LARGE1: variants seen among roughly 807,000 people sequenced by gnomAD.
LARGE1 encodes xylosyl- and glucuronyltransferase LARGE1.
In LARGE1, 43 loss-of-function variants were observed where a neutral mutation model predicts 87.6. That is an observed-to-expected ratio of 0.49 (90% confidence interval 0.38 to 0.63). The LOEUF (loss-of-function observed/expected upper bound fraction) is 0.63. Among genes scored for constraint, LARGE1 ranks in the 30% least tolerant of loss-of-function variants. The probability of loss-of-function intolerance (pLI) is 0.00; values close to 1 mark genes in which losing one functional copy is unlikely to be tolerated. For synonymous variants in LARGE1, 434 were observed against 394.6 expected (o/e 1.10, Z -1.18); for missense variants, 802 against 1,000.2 (o/e 0.80, Z 2.67).
At chr22:33,878,323 A>AGGC (rs1319408937) in intron 1 of LARGE1, among the ~76,000 whole-genome samples, 1 of 151,182 alleles carries the variant, frequency 6.6e-6, no homozygotes, top group Non-Finnish European at 1.5e-5. Flanking sequence ...TTTTTAGTAT[A>AGGC]CAAATACATA....
chr22:33,579,318 T>G (rs2267233), intron 5 of LARGE1, among the ~76,000 whole-genome samples: 36,421 of 152,188 alleles, frequency 0.24, 4,992 homozygotes, highest in East Asian at 0.35. Flanking sequence ...GACTTGCTCC[T>G]CCTTGCCTTC....
the LARGE1 span, among the ~76,000 whole-genome samples, chr22:33,119,470 T>C: frequency 6.6e-6 from 1 of 152,156 alleles, no homozygotes; most frequent in Non-Finnish European, 1.5e-5. Flanking sequence ...CCCCAAGGTA[T>C]GTTTCTCAGT....
rs531225013 is a variant in LARGE1 at position 33,516,938 on chromosome 22, C to A, written c.787+47910G>T. 1.0e-3 allele frequency among the ~76,000 whole-genome samples: 154 copies of A among 152,300 alleles called. 1 individual carries two copies. Among genetic ancestry groups the A allele is most frequent in the African/African-American group, 3.5e-3 (144 of 41,564 alleles). ...CCTGTTTACTAGACAGTAGTAAGTA[C>A]TCAAGGGAACACATCATTTTCTTTT... On this transcript the variant is annotated intron_variant, in intron 6 of 14. Transcript: ENST00000397394.
chr22:33,879,275 A>C (rs2064589118), intron 1 of LARGE1, among the ~76,000 whole-genome samples: 1 of 152,140 alleles, frequency 6.6e-6, no homozygotes, highest in Admixed American at 6.5e-5. Context: ...CTCTTTTCTT[A>C]TATACAGCAC....
intron 9 of LARGE1, among the ~76,000 whole-genome samples, chr22:33,365,684 G>A (rs185535322): frequency 4.7e-5 from 7 of 149,384 alleles, no homozygotes; most frequent in African/African-American, 1.7e-4. Context: ...GCACAATCTC[G>A]GCTCACTGCA....
intron 2 of LARGE1, among the ~76,000 whole-genome samples, chr22:33,736,988 A>G (rs2083677964): frequency 6.6e-6 from 1 of 152,176 alleles, no homozygotes; most frequent in Non-Finnish European, 1.5e-5. Flanking sequence ...GGCTTCCCAC[A>G]AAAGATGTAC....
At chr22:33,554,299 G>A (rs1202287309) in intron 6 of LARGE1, among the ~76,000 whole-genome samples, 2 of 151,956 alleles carry the variant, frequency 1.3e-5, no homozygotes, top group African/African-American at 2.4e-5. Context: ...GCAGGACCAC[G>A]CACTACAGAG....
chr22:33,467,792 C>G (rs924964564), intron 6 of LARGE1, among the ~76,000 whole-genome samples: 6 of 152,202 alleles, frequency 3.9e-5, no homozygotes, highest in African/African-American at 1.4e-4. Context: ...GAGGCGCTGG[C>G]TGCTCCGGCT....
At chr22:33,157,790 T>C (rs1569442932), downstream of LARGE1, among the ~76,000 whole-genome samples, 2 of 152,138 alleles carry the variant, frequency 1.3e-5, no homozygotes, top group African/African-American at 4.8e-5. Context: ...ATAAAAATAA[T>C]ACATTACTTT....
At chr22:33,657,937 G>GAA (rs201427735) in intron 2 of LARGE1, among the ~76,000 whole-genome samples, 6 of 141,092 alleles carry the variant, frequency 4.3e-5, no homozygotes, top group African/African-American at 1.5e-4. Context: ...TTTGACTAAT[G>GAA]AAAAAAAAAA....
chr22:33,550,218 G>A (rs1161593069), intron 6 of LARGE1, among the ~76,000 whole-genome samples: 1 of 151,572 alleles, frequency 6.6e-6, no homozygotes, highest in Admixed American at 6.6e-5. Flanking sequence ...TAGAAGTTGT[G>A]GAAGGTTTAG....
At chr22:33,685,582 A>T (rs1257770599) in intron 2 of LARGE1, among the ~76,000 whole-genome samples, 2 of 152,208 alleles carry the variant, frequency 1.3e-5, no homozygotes, top group Non-Finnish European at 2.9e-5. Flanking sequence ...AATCCTAGGC[A>T]TGAGACTCAA....
chr22:33,657,647 A>C (rs565508069), intron 2 of LARGE1, among the ~76,000 whole-genome samples: 1 of 152,002 alleles, frequency 6.6e-6, no homozygotes, highest in Non-Finnish European at 1.5e-5. Context: ...GTCCTAGAAC[A>C]TTGTGTGGGT....
At chr22:33,107,584 G>T in the LARGE1 span, among the ~76,000 whole-genome samples, 1 of 150,790 alleles carries the variant, frequency 6.6e-6, no homozygotes, top group Admixed American at 6.6e-5. Flanking sequence ...GCTACATTTA[G>T]TCAGGCGCAG....
chr22:33,391,225 A>C (rs563561121), intron 7 of LARGE1, among the ~76,000 whole-genome samples: 1 of 152,102 alleles, frequency 6.6e-6, no homozygotes, highest in Non-Finnish European at 1.5e-5. Flanking sequence ...AAATTTTTTT[A>C]TTTGAGCACC....
intron 1 of LARGE1, among the ~76,000 whole-genome samples, chr22:33,763,770 T>C (rs1436345632): frequency 6.6e-6 from 1 of 151,092 alleles, no homozygotes; most frequent in Non-Finnish European, 1.5e-5. Flanking sequence ...TTACCAAAGA[T>C]ATTTTAAGTA....
At chr22:33,100,493 T>G in the LARGE1 span, among the ~76,000 whole-genome samples, 1 of 152,046 alleles carries the variant, frequency 6.6e-6, no homozygotes, top group African/African-American at 2.4e-5. Context: ...AAGACTGTAA[T>G]AGCCACATAA....
intron 1 of LARGE1, among the ~76,000 whole-genome samples, chr22:33,833,371 T>C (rs2063026567): frequency 6.6e-6 from 1 of 152,080 alleles, no homozygotes; most frequent in African/African-American, 2.4e-5. Context: ...TAGGGTAAGA[T>C]GGGAATGTAT....
At chr22:33,174,015 C>T (rs1922724378) in intron 11 of LARGE1, among the ~76,000 whole-genome samples, 1 of 152,160 alleles carries the variant, frequency 6.6e-6, no homozygotes, top group Admixed American at 6.5e-5. Flanking sequence ...GACAACTCTC[C>T]ACCCCAAATC....
Sources: gnomAD v4.1 joint callset for allele counts (sites outside exome capture counted in the v4.1 genomes callset) on GRCh38, gnomAD v4.1.1 for gene constraint, MANE v1.5 for transcripts, NCBI Gene and HGNC (gene_info 2026-07-23, HGNC 2026-07-21) for gene names.